Variants in CDK5RAP2 observed in about 807,000 individuals in gnomAD.
The protein encoded by CDK5RAP2 is CDK5 regulatory subunit-associated protein 2.
CDK5RAP2 carries 147 observed loss-of-function variants against 232.9 expected under a neutral mutation model. The ratio of observed to expected loss-of-function variants is 0.63; its 90% CI spans 0.55 to 0.72. CDK5RAP2 has a LOEUF of 0.72. Among genes scored for constraint, CDK5RAP2 ranks in the 30% least tolerant of loss-of-function variants. The pLI is 0.00. For missense variants in CDK5RAP2, 2,195 were observed against 2,231.5 expected (o/e 0.98, Z 0.33); for synonymous variants, 833 against 833.7 (o/e 1.00, Z 0.01).
chr9:120,439,574 C>A lies in CDK5RAP2; in HGVS notation c.3547G>T (p.Val1183Leu). The part of the protein sequence containing the change: ...SLHQVRYVKH[V>L]KILGPLAPEM... ...GGGGCCAGCGGACCGAGGATTTTCACGTGTTTCACGTATCGCACTTGGTGC... is the reference window on the plus strand; with the variant it reads ...GGGGCCAGCGGACCGAGGATTTTCAAGTGTTTCACGTATCGCACTTGGTGC... The change falls in exon 24 of 38, where the codon GTG becomes TTG. Residue 1183 changes from valine to leucine, a missense_variant. Transcript: ENST00000349780. 6.2e-7 allele frequency: 1 copy of A among 1,614,214 alleles called. No homozygotes were observed.
intron 25 of CDK5RAP2, among the ~76,000 whole-genome samples, chr9:120,423,949 G>A (rs1050808692): frequency 3.3e-5 from 5 of 152,220 alleles, no homozygotes; most frequent in African/African-American, 1.2e-4. Context: ...TGGGCACCAA[G>A]AGTCAGTGCA....
chr9:120,527,720 T>C lies in CDK5RAP2; in HGVS notation c.999+86A>G, dbSNP rs183561193. The C allele has an allele frequency of 2.1e-5, 32 of 1,497,734 alleles. No individual in the cohort carries two copies. In the African/African-American group the frequency reaches 4.3e-4, roughly 20 times the overall value. The allele number at this position is 1,497,734 out of a possible 1,614,324, so 92.8% of individuals were successfully genotyped here. A position where few individuals can be genotyped will look rare whatever the true frequency, so the allele number is the denominator to read the frequency against. On this transcript the variant is annotated intron_variant, in intron 10 of 37. Coordinates refer to ENST00000349780, the MANE Select transcript of CDK5RAP2 (RefSeq NM_018249.6). Reference sequence around the variant, plus strand: ...CTACCTCAGCTCTCTTATAAACTTTTTATCTGAAGCTAAAAATTCAGGGTA... The same window carrying C: ...CTACCTCAGCTCTCTTATAAACTTTCTATCTGAAGCTAAAAATTCAGGGTA...
chr9:120,453,798 T>G lies in CDK5RAP2; in HGVS notation c.2451A>C (p.Glu817Asp), dbSNP rs535735708. ...LFLTEQEVSG[E>D]HLDGKTEKTP... The stretch of plus-strand genomic sequence containing the variant: ...TCTTCTCAGTTTTACCATCAAGGTG[T>G]TCTCCAGAAACTTCCTGCTCTGTCA... Residue 817 changes from glutamate to aspartate, a missense_variant, in exon 21 of 38, where the codon GAA becomes GAC. Coordinates refer to ENST00000349780, the MANE Select transcript of CDK5RAP2 (RefSeq NM_018249.6). The G allele has an allele frequency of 6.2e-7, 1 of 1,614,202 alleles. No homozygotes were observed. The highest frequency in any genetic ancestry group is 1.1e-5 in the South Asian group (1 of 91,088).
intron 25 of CDK5RAP2, among the ~76,000 whole-genome samples, chr9:120,424,537 C>T (rs1468070729): frequency 1.3e-5 from 2 of 152,132 alleles, no homozygotes; most frequent in Admixed American, 6.5e-5. Flanking sequence ...TCATCTCATA[C>T]CTGCACTGGG....
At chr9:120,488,660 T>C (rs1483398890) in intron 13 of CDK5RAP2, among the ~76,000 whole-genome samples, 1 of 152,256 alleles carries the variant, frequency 6.6e-6, no homozygotes, top group Non-Finnish European at 1.5e-5. Flanking sequence ...ATTCAGCTCT[T>C]ACATCCTCTG....
At chr9:120,467,742 C>A (rs1158597971) in intron 18 of CDK5RAP2, 118 bp downstream of exon 18, 2 of 1,061,176 alleles carry the variant, frequency 1.9e-6, no homozygotes, top group African/African-American at 1.6e-5. Flanking sequence ...ACGTCCTGGG[C>A]CCAAGTGATC....
intron 12 of CDK5RAP2, among the ~76,000 whole-genome samples, chr9:120,494,794 G>A (rs1354817424): frequency 6.0e-4 from 57 of 95,264 alleles, no homozygotes; most frequent in Admixed American, 5.5e-3. Context: ...CGAAGGCGCC[G>A]CGGGCTGGGG....
At chr9:120,415,204 C>T (rs1408459358) in intron 27 of CDK5RAP2, 45 bp from the exon 28 acceptor site, 1 of 1,604,322 alleles carries the variant, frequency 6.2e-7, no homozygotes, top group Non-Finnish European at 8.5e-7. Flanking sequence ...GAACCCCCAA[C>T]AAATTGAATA....
intron 17 of CDK5RAP2, among the ~76,000 whole-genome samples, chr9:120,469,025 C>T (rs545546188): frequency 1.3e-5 from 2 of 152,308 alleles, no homozygotes; most frequent in South Asian, 2.1e-4. Flanking sequence ...AAGTGAACTA[C>T]CTCCTGGCCT....
At chr9:120,530,879 G>C in intron 7 of CDK5RAP2, among the ~76,000 whole-genome samples, 1 of 50,058 alleles carries the variant, frequency 2.0e-5, no homozygotes, top group African/African-American at 7.6e-5. Context: ...AGGGGGGAGG[G>C]ATAGCATTAG....
intron 18 of CDK5RAP2, among the ~76,000 whole-genome samples, chr9:120,461,261 G>A (rs983956998): frequency 6.6e-6 from 1 of 152,236 alleles, no homozygotes; most frequent in Non-Finnish European, 1.5e-5. Flanking sequence ...TCACGCTTGC[G>A]TGACGATAAC....
In CDK5RAP2 at chr9:120,408,404, G is replaced by T; in HGVS notation, c.4669C>A (p.Leu1557Ile). The change falls in exon 31 of 38, where the codon CTC becomes ATC. Residue 1557 changes from leucine to isoleucine, a missense_variant. Coordinates refer to ENST00000349780, the MANE Select transcript of CDK5RAP2 (RefSeq NM_018249.6). ...TCATACGCCTTCAGCTCCACTCGGA[G>T]AGACTGCAATAGCTTGTCATTCTGT... ...LSQNDKLLQS[L>I]RVELKAYEKL... 1 of 1,614,186 alleles carries T rather than the reference G, an allele frequency of 6.2e-7. No homozygotes were observed. The highest frequency in any genetic ancestry group is 8.5e-7 in the Non-Finnish European group (1 of 1,180,030).
In CDK5RAP2 at chr9:120,576,933, T is replaced by C. The variant is rs576988778; in HGVS notation, c.59+2987A>G. 1.0e-3 allele frequency among the ~76,000 whole-genome samples: 156 copies of C among 152,004 alleles called. 1 individual carries two copies. The highest frequency in any genetic ancestry group is 3.7e-3 in the African/African-American group (153 of 41,488). The stretch of plus-strand genomic sequence containing the variant: ...TAAAAAAAATTAAAAACAAAAGCCT[T>C]AAAAAGGAAAGAAATTCTGACACAT... On this transcript the variant is annotated intron_variant, in intron 1 of 37. Coordinates refer to ENST00000349780, the MANE Select transcript of CDK5RAP2 (RefSeq NM_018249.6).
intron 7 of CDK5RAP2, among the ~76,000 whole-genome samples, chr9:120,533,797 TAAAAAAA>T (rs147527299): frequency 7.6e-5 from 4 of 52,716 alleles, no homozygotes; most frequent in African/African-American, 2.2e-4. Context: ...AGACTCCATC[TAAAAAAA>T]AAAAAAAAAA....
At chr9:120,398,553 AG>A (rs960510244) in intron 35 of CDK5RAP2, among the ~76,000 whole-genome samples, 80 of 152,300 alleles carry the variant, frequency 5.3e-4, no homozygotes, top group African/African-American at 1.8e-3. Context: ...AAGAATTTTT[AG>A]GAATTGTTTT....
chr9:120,567,561 G>A (rs1016565061), intron 3 of CDK5RAP2, among the ~76,000 whole-genome samples: 2 of 152,108 alleles, frequency 1.3e-5, no homozygotes, highest in African/African-American at 4.8e-5. Flanking sequence ...AACTGGAATT[G>A]GGAAAATAAC....
chr9:120,391,043 T>C (rs188104914), intron 36 of CDK5RAP2, among the ~76,000 whole-genome samples: 194 of 152,204 alleles, frequency 1.3e-3, no homozygotes, highest in African/African-American at 4.1e-3. Flanking sequence ...CTGGATATGT[T>C]TGGGGGGTCA....
At chr9:120,465,163 T>C (rs921296595) in intron 18 of CDK5RAP2, among the ~76,000 whole-genome samples, 2 of 152,186 alleles carry the variant, frequency 1.3e-5, no homozygotes, top group Admixed American at 6.5e-5. Flanking sequence ...CTTTCGAGCC[T>C]TTGCAGTGTG....
At chr9:120,404,137 C>T in intron 32 of CDK5RAP2, 24 bp from the exon 33 acceptor site, 1 of 1,460,422 alleles carries the variant, frequency 6.8e-7, no homozygotes, top group Non-Finnish European at 9.6e-7. Context: ...AACACGAGAA[C>T]TGTTAGTTTC....
Sources: allele counts gnomAD v4.1 joint callset (sites outside exome capture counted in the v4.1 genomes callset), GRCh38; gene constraint gnomAD v4.1.1; transcripts MANE v1.5; gene names NCBI Gene and HGNC (gene_info 2026-07-23, HGNC 2026-07-21).